Variants in RNGTT observed in about 807,000 individuals in gnomAD.
The protein encoded by RNGTT is mRNA-capping enzyme.
In RNGTT, 33 loss-of-function variants were observed where a neutral mutation model predicts 79.3. The ratio of observed to expected loss-of-function variants is 0.42; its 90% CI spans 0.32 to 0.56. The LOEUF (loss-of-function observed/expected upper bound fraction) is 0.56. RNGTT is among the 20% of genes least tolerant of loss of function. The probability of loss-of-function intolerance (pLI) is 0.17; values close to 1 mark genes in which losing one functional copy is unlikely to be tolerated. For missense variants in RNGTT, 497 were observed against 739.1 expected (o/e 0.67, Z 3.80); for synonymous variants, 222 against 235.9 (o/e 0.94, Z 0.54).
intron 11 of RNGTT, among the ~76,000 whole-genome samples, chr6:88,803,583 A>G (rs1779859427): frequency 6.6e-6 from 1 of 150,970 alleles, no homozygotes; most frequent in African/African-American, 2.4e-5. Flanking sequence ...TCTCAAAAAA[A>G]AAAAAAAAAA....
At chr6:88,853,523 GT>G (rs1781742597) in intron 9 of RNGTT, 105 bp downstream of exon 9, 1 of 620,270 alleles carries the variant, frequency 1.6e-6, no homozygotes, top group Non-Finnish European at 2.6e-6. Flanking sequence ...AAAAAAAAAA[GT>G]TAGATTTCAT....
rs143328731 is a variant in RNGTT, at chr6:88,771,856, A to G, written c.1339-1982T>C. ...CTATACACCAGCAATAAAAATCAAA[A>G]GAAAAAAAAGGAAAGGACATTTTTA... is the stretch of plus-strand genomic sequence containing the variant. On this transcript the variant is annotated intron_variant, in intron 12 of 15. Transcript: ENST00000369485. 4.1e-3 allele frequency among the ~76,000 whole-genome samples: 629 copies of G among 152,244 alleles called. 8 individuals are homozygous for G. Among genetic ancestry groups the G allele is most frequent in the African/African-American group, 0.014 (601 of 41,550 alleles).
At chr6:88,664,145 G>C (rs540152921) in intron 14 of RNGTT, among the ~76,000 whole-genome samples, 1 of 152,298 alleles carries the variant, frequency 6.6e-6, no homozygotes, top group African/African-American at 2.4e-5. Flanking sequence ...AAACGAGACA[G>C]AGGGTATGCA....
At chr6:88,942,491 C>A (rs1177508783) in intron 1 of RNGTT, among the ~76,000 whole-genome samples, 3 of 151,974 alleles carry the variant, frequency 2.0e-5, no homozygotes, top group Non-Finnish European at 4.4e-5. Context: ...CCACCTCAGC[C>A]CCCCAGTAGC....
At chr6:88,765,936 A>C (rs1324760296) in intron 13 of RNGTT, among the ~76,000 whole-genome samples, 1 of 152,210 alleles carries the variant, frequency 6.6e-6, no homozygotes, top group Non-Finnish European at 1.5e-5. Flanking sequence ...ATTGGAATCA[A>C]ATAGGAAATG....
intron 11 of RNGTT, among the ~76,000 whole-genome samples, chr6:88,804,781 G>A (rs1310433096): frequency 1.3e-5 from 2 of 150,292 alleles, no homozygotes; most frequent in Admixed American, 1.3e-4. Flanking sequence ...TTCATCATTA[G>A]AGCCAACTTT....
In RNGTT at chr6:88,957,892, T is replaced by C. The variant is rs555391671; in HGVS notation, c.64+5454A>G. ...CCAGAAAAAGCAATCCTAAAATTCA[T>C]TGAACCAAAAAAGAGCCCAAATAGC... On this transcript the variant is annotated intron_variant, in intron 1 of 15. Transcript: ENST00000369485. 1.5e-4 allele frequency among the ~76,000 whole-genome samples: 23 copies of C among 152,198 alleles called. 1 individual carries two copies. The highest frequency in any genetic ancestry group is 5.2e-4 in the Admixed American group (8 of 15,276).
At chr6:88,819,087 T>C (rs1335718955) in intron 11 of RNGTT, among the ~76,000 whole-genome samples, 4 of 152,156 alleles carry the variant, frequency 2.6e-5, no homozygotes, top group East Asian at 1.9e-4. Flanking sequence ...TTTTGAAATA[T>C]ACAGTTATTA....
intron 8 of RNGTT, among the ~76,000 whole-genome samples, chr6:88,858,854 T>G (rs1362040697): frequency 6.6e-6 from 1 of 152,076 alleles, no homozygotes; most frequent in Non-Finnish European, 1.5e-5. Flanking sequence ...GACTAGTAGG[T>G]GCAATGTCCT....
intron 13 of RNGTT, 82 bp downstream of exon 13, chr6:88,769,692 T>C (rs1254307352): frequency 4.2e-6 from 3 of 722,710 alleles, no homozygotes; most frequent in East Asian, 2.6e-5. Flanking sequence ...TATTGTAAAG[T>C]ATATATGAAA....
chr6:88,738,552 A>G (rs781364876), intron 13 of RNGTT, among the ~76,000 whole-genome samples: 4 of 152,184 alleles, frequency 2.6e-5, no homozygotes, highest in Non-Finnish European at 5.9e-5. Flanking sequence ...AGGCTGAGGC[A>G]AGAGAATCTC....
rs368835166 is a variant in RNGTT at position 88,817,995 on chromosome 6, G to A, written c.1270-16363C>T. Among the ~76,000 whole-genome samples, 261 of 151,582 alleles carry A rather than the reference G, an allele frequency of 1.7e-3. 2 individuals carry two copies. In the Middle Eastern group the frequency reaches 0.021, roughly 12 times the overall value. On this transcript the variant is annotated intron_variant, in intron 11 of 15. Transcript: ENST00000369485. The stretch of plus-strand genomic sequence containing the variant: ...AAGATGGTCTCGATCTCCTGACCTC[G>A]TGATCCGCCCGTCTCGGCCTCCCAA...
chr6:88,772,456 A>C (rs1048274726), intron 12 of RNGTT, among the ~76,000 whole-genome samples: 1 of 152,138 alleles, frequency 6.6e-6, no homozygotes, highest in Non-Finnish European at 1.5e-5. Flanking sequence ...CAACAGACCT[A>C]AAGAGTCAAA....
intron 4 of RNGTT, among the ~76,000 whole-genome samples, chr6:88,927,780 G>A (rs1277944838): frequency 8.6e-5 from 13 of 150,976 alleles, no homozygotes; most frequent in Non-Finnish European, 1.6e-4. Flanking sequence ...GTTGCAGTGA[G>A]CCGAGATCAC....
At chr6:88,779,054 GATAAA>G (rs1382661644) in intron 12 of RNGTT, among the ~76,000 whole-genome samples, 1 of 150,204 alleles carries the variant, frequency 6.7e-6, no homozygotes, top group Non-Finnish European at 1.5e-5. Flanking sequence ...AAGAGAATCT[GATAAA>G]ATATAGTCAT....
intron 14 of RNGTT, among the ~76,000 whole-genome samples, chr6:88,651,118 AAAC>A (rs910140320): frequency 1.3e-5 from 2 of 151,904 alleles, no homozygotes; most frequent in Non-Finnish European, 1.5e-5. Flanking sequence ...GTTAAAAAAA[AAAC>A]AACAACAACA....
In RNGTT at chr6:88,934,203, T is replaced by C. The variant is rs146211267; in HGVS notation, c.175-4936A>G. ...ACATACCTCATGCCTGGCTAATTTT[T>C]TGAATTTTTTTAAAGATGGTGTCTC... On this transcript the variant is annotated intron_variant, in intron 2 of 15. Transcript: ENST00000369485. Among the ~76,000 whole-genome samples the C allele has an allele frequency of 6.0e-3, 917 of 152,214 alleles. 18 individuals are homozygous for C. The highest frequency in any genetic ancestry group is 0.02 in the African/African-American group (835 of 41,526).
At chr6:88,617,031 G>T (rs1772254127) in intron 14 of RNGTT, among the ~76,000 whole-genome samples, 1 of 152,210 alleles carries the variant, frequency 6.6e-6, no homozygotes, top group Non-Finnish European at 1.5e-5. Context: ...CCAGCACTTT[G>T]GGAGGCCGAG....
intron 13 of RNGTT, among the ~76,000 whole-genome samples, chr6:88,737,943 G>A (rs1777339723): frequency 6.6e-6 from 1 of 152,168 alleles, no homozygotes; most frequent in Non-Finnish European, 1.5e-5. Flanking sequence ...GAAGGGGAGA[G>A]TGTAACTTTT....
Sources: gnomAD v4.1 joint callset for allele counts (sites outside exome capture counted in the v4.1 genomes callset) on GRCh38, gnomAD v4.1.1 for gene constraint, MANE v1.5 for transcripts, NCBI Gene and HGNC (gene_info 2026-07-23, HGNC 2026-07-21) for gene names.